Variants in FNDC3A observed in about 807,000 individuals in gnomAD.
FNDC3A encodes the protein fibronectin type-III domain-containing protein 3A.
In FNDC3A, 32 loss-of-function variants were observed where a neutral mutation model predicts 148.9. That is an observed-to-expected ratio of 0.21 (90% CI 0.16 to 0.29). The LOEUF (loss-of-function observed/expected upper bound fraction) is 0.29, where lower values mean the gene tolerates loss of function less well. Ranked by LOEUF, FNDC3A falls within the 10% of genes least tolerant of loss-of-function variation. FNDC3A has a pLI of 1.00. For synonymous variants in FNDC3A, 472 were observed against 473.6 expected, an observed-to-expected ratio of 1.00 and a Z score of 0.04; for missense variants, 1,191 against 1,452.8, an observed-to-expected ratio of 0.82 and a Z score of 2.93.
intron 1 of FNDC3A, among the ~76,000 whole-genome samples, chr13:48,978,046 AATTT>A (rs1951634268): frequency 6.6e-6 from 1 of 152,156 alleles, no homozygotes; most frequent in Admixed American, 6.5e-5. Context: ...AAGGGTAATT[AATTT>A]ATCCCAAATT....
At chr13:49,033,787 A>G in intron 2 of FNDC3A, among the ~76,000 whole-genome samples, 1 of 152,006 alleles carries the variant, frequency 6.6e-6, no homozygotes, top group African/African-American at 2.4e-5. Context: ...GAGTAAGATC[A>G]TGTTACTGTT....
chr13:49,186,414 A>G (rs1296762649), intron 15 of FNDC3A, among the ~76,000 whole-genome samples: 1 of 152,204 alleles, frequency 6.6e-6, no homozygotes, highest in East Asian at 1.9e-4. Context: ...AAGAAATGAA[A>G]ACCATTCATT....
At chr13:49,042,235 A>G (rs1280502301) in intron 2 of FNDC3A, among the ~76,000 whole-genome samples, 1 of 152,140 alleles carries the variant, frequency 6.6e-6, no homozygotes, top group African/African-American at 2.4e-5. Context: ...CCAAGATTTG[A>G]GTATGTCCTT....
chr13:49,024,082 G>A (rs1050515316), intron 2 of FNDC3A, among the ~76,000 whole-genome samples: 5 of 151,894 alleles, frequency 3.3e-5, no homozygotes, highest in Admixed American at 6.6e-5. Context: ...AGGATTATTA[G>A]AGACTACTAT....
At chr13:49,064,401 G>GGCC (rs1208279185) in intron 2 of FNDC3A, among the ~76,000 whole-genome samples, 9 of 60,810 alleles carry the variant, frequency 1.5e-4, no homozygotes, top group African/African-American at 5.0e-4. Context: ...ATTGCCCCCC[G>GGCC]CCCCCCCCCC....
intron 6 of FNDC3A, among the ~76,000 whole-genome samples, chr13:49,138,339 A>T (rs1478282482): frequency 1.3e-5 from 2 of 152,142 alleles, no homozygotes; most frequent in Admixed American, 6.5e-5. Context: ...TTATATTTCT[A>T]ATTTGGGAAA....
intron 1 of FNDC3A, among the ~76,000 whole-genome samples, chr13:48,982,577 G>A (rs1951712711): frequency 6.6e-6 from 1 of 152,238 alleles, no homozygotes; most frequent in African/African-American, 2.4e-5. Context: ...CATCTTTTAG[G>A]CTGCTTCCAG....
chr13:49,145,757 T>G, intron 7 of FNDC3A, 21 bp from the exon 8 acceptor site: 1 of 1,610,800 alleles, frequency 6.2e-7, no homozygotes, highest in Non-Finnish European at 8.5e-7. Flanking sequence ...TAAAGAACTT[T>G]TAAATGTTGT....
intron 1 of FNDC3A, among the ~76,000 whole-genome samples, chr13:48,981,392 C>G (rs1951691992): frequency 6.6e-6 from 1 of 151,652 alleles, no homozygotes; most frequent in South Asian, 2.1e-4. Flanking sequence ...TTGTGAGAAC[C>G]CACAGAGATG....
At chr13:49,105,384 T>A (rs1040378265) in intron 3 of FNDC3A, among the ~76,000 whole-genome samples, 1 of 152,204 alleles carries the variant, frequency 6.6e-6, no homozygotes, top group Non-Finnish European at 1.5e-5. Flanking sequence ...CTGAGAGACA[T>A]AGAGATAGCA....
At chr13:49,080,547 A>T (rs982178367) in intron 3 of FNDC3A, among the ~76,000 whole-genome samples, 5 of 152,232 alleles carry the variant, frequency 3.3e-5, no homozygotes, top group Non-Finnish European at 5.9e-5. Context: ...CTTTGATAGC[A>T]TGTCAACAGA....
At chr13:49,134,380 G>A (rs769414690) in intron 5 of FNDC3A, among the ~76,000 whole-genome samples, 4 of 151,680 alleles carry the variant, frequency 2.6e-5, no homozygotes, top group African/African-American at 2.4e-5. Context: ...ATAGTACTTC[G>A]TTCCTTTTTA....
rs1448908508 is a variant in FNDC3A at position 49,006,160 on chromosome 13, C to T, written c.-31C>T. 1.0e-5 allele frequency: 12 copies of T among 1,197,512 alleles called. No individual in the cohort carries two copies. Among genetic ancestry groups the T allele is most frequent in the African/African-American group, 7.6e-5 (5 of 65,772 alleles). The allele number at this position is 1,197,512 out of a possible 1,614,324, so 74.2% of individuals were successfully genotyped here. ...ATATGTTTGTTTTTCAGAATTGGAG[C>T]GTTATTCAGTATATTAATGTCTTAT... On this transcript the variant is annotated 5_prime_UTR_variant, in exon 2 of 26. Coordinates refer to ENST00000492622, the MANE Select transcript of FNDC3A (RefSeq NM_001079673.2).
intron 2 of FNDC3A, among the ~76,000 whole-genome samples, chr13:49,031,390 TA>T (rs1874109892): frequency 6.6e-6 from 1 of 151,888 alleles, no homozygotes; most frequent in Non-Finnish European, 1.5e-5. Flanking sequence ...CTCAAATAAA[TA>T]AATAAAACTT....
intron 3 of FNDC3A, among the ~76,000 whole-genome samples, chr13:49,092,077 A>G (rs576771011): frequency 6.6e-6 from 1 of 152,258 alleles, no homozygotes; most frequent in East Asian, 1.9e-4. Flanking sequence ...TGATTCACCT[A>G]TGGGGGCCTG....
intron 2 of FNDC3A, among the ~76,000 whole-genome samples, chr13:49,032,679 T>C (rs111291889): frequency 6.5e-4 from 98 of 151,716 alleles, no homozygotes; most frequent in African/African-American, 2.0e-3. Context: ...GAGCTTGCAG[T>C]GAGCCGAGAC....
chr13:49,167,413 T>A, intron 9 of FNDC3A, 110 bp downstream of exon 9: 1 of 655,854 alleles, frequency 1.5e-6, no homozygotes, highest in Non-Finnish European at 2.5e-6. Context: ...AATTTTGGAT[T>A]AAAAACAGAC....
chr13:49,155,534 A>AT (rs1883611602), intron 8 of FNDC3A, among the ~76,000 whole-genome samples: 1 of 139,840 alleles, frequency 7.2e-6, no homozygotes, highest in Admixed American at 7.2e-5. Context: ...TTCTGCTCTG[A>AT]TTTTAGTTAT....
chr13:49,187,470 G>T (rs1021665198), intron 16 of FNDC3A: 49 of 1,465,200 alleles, frequency 3.3e-5, no homozygotes, highest in Non-Finnish European at 4.7e-5. Context: ...TGGATGAACT[G>T]AAACATCCTT....
Sources: allele counts gnomAD v4.1 joint callset (sites outside exome capture counted in the v4.1 genomes callset), GRCh38; gene constraint gnomAD v4.1.1; transcripts MANE v1.5; gene names NCBI Gene and HGNC (gene_info 2026-07-23, HGNC 2026-07-21).